Variants in FARP1 observed in about 807,000 individuals in gnomAD.
The protein encoded by FARP1 is FERM, ARHGEF and pleckstrin domain-containing protein 1.
Under a neutral mutation model 128.8 loss-of-function variants are expected in FARP1, and 52 were observed. That is an observed-to-expected ratio of 0.40 (90% CI 0.32 to 0.51). The LOEUF (loss-of-function observed/expected upper bound fraction) is 0.51, where lower values mean the gene tolerates loss of function less well. FARP1 is among the 20% of genes least tolerant of loss of function. The pLI is 0.45. For missense variants in FARP1, 1,333 were observed against 1,367.9 expected (o/e 0.97, Z 0.40); for synonymous variants, 580 against 551.8 (o/e 1.05, Z -0.72).
At chr13:98,430,791 A>G in intron 17 of FARP1, among the ~76,000 whole-genome samples, 1 of 152,200 alleles carries the variant, frequency 6.6e-6, no homozygotes, top group East Asian at 1.9e-4. Context: ...TGTTATATAC[A>G]TAGCTTATAT....
At chr13:98,239,254 C>T (rs149805261) in intron 2 of FARP1, among the ~76,000 whole-genome samples, 1 of 152,152 alleles carries the variant, frequency 6.6e-6, no homozygotes, top group African/African-American at 2.4e-5. Context: ...AGGTTCTCTA[C>T]CCTGGACCGA....
chr13:98,381,971 A>G (rs1889902595), intron 6 of FARP1, among the ~76,000 whole-genome samples: 4 of 152,072 alleles, frequency 2.6e-5, no homozygotes, highest in Admixed American at 2.6e-4. Context: ...TAGGCAACAT[A>G]GTGAGACCTC....
In FARP1 at chr13:98,374,055, T is replaced by A. The variant is rs671727; in HGVS notation, c.399-3766T>A. On this transcript the variant is annotated intron_variant, in intron 5 of 26. Coordinates refer to ENST00000319562, the MANE Select transcript of FARP1 (RefSeq NM_005766.4). ...TTTTCTATGCATACATATGTACTTT[T>A]CATCTCATCTAATACATTGGCCATA... is the stretch of plus-strand genomic sequence containing the variant. Among the ~76,000 whole-genome samples the A allele has an allele frequency of 5.9e-3, 896 of 152,328 alleles. 11 individuals carry two copies. Among genetic ancestry groups the A allele is most frequent in the African/African-American group, 0.021 (854 of 41,576 alleles).
intron 12 of FARP1, 136 bp downstream of exon 12, chr13:98,393,854 GC>G: frequency 1.4e-6 from 1 of 692,010 alleles, no homozygotes. Flanking sequence ...CTGATTATGG[GC>G]CTTGGCTTTG....
intron 2 of FARP1, among the ~76,000 whole-genome samples, chr13:98,300,027 A>G (rs1433452433): frequency 1.3e-5 from 2 of 152,184 alleles, no homozygotes; most frequent in Non-Finnish European, 2.9e-5. Flanking sequence ...AATAGTTTCT[A>G]ATGTTCCCCC....
intron 3 of FARP1, among the ~76,000 whole-genome samples, chr13:98,358,483 G>C (rs1296190691): frequency 6.6e-6 from 1 of 152,098 alleles, no homozygotes; most frequent in African/African-American, 2.4e-5. Flanking sequence ...TTGACCGGAA[G>C]TGAAAATCTC....
chr13:98,287,979 T>C (rs1885272802), intron 2 of FARP1, among the ~76,000 whole-genome samples: 1 of 151,980 alleles, frequency 6.6e-6, no homozygotes, highest in Non-Finnish European at 1.5e-5. Context: ...TTTTTGTAAT[T>C]TTAGTAGAGA....
chr13:98,257,023 G>A (rs1883652276), intron 2 of FARP1, among the ~76,000 whole-genome samples: 1 of 125,996 alleles, frequency 7.9e-6, no homozygotes, highest in East Asian at 2.4e-4. Context: ...GGAAAGTTTG[G>A]TTTTATTTAT....
intron 2 of FARP1, among the ~76,000 whole-genome samples, chr13:98,289,884 A>G (rs1171707741): frequency 6.6e-6 from 1 of 152,212 alleles, no homozygotes; most frequent in African/African-American, 2.4e-5. Context: ...AAAAGAGCAC[A>G]GGAACTGTCA....
At chr13:98,180,896 T>C (rs577349223) in intron 1 of FARP1, among the ~76,000 whole-genome samples, 1 of 152,346 alleles carries the variant, frequency 6.6e-6, no homozygotes, top group Non-Finnish European at 1.5e-5. Context: ...AATGCCTGCA[T>C]AATGATCAAT....
At chr13:98,305,323 A>G (rs1290467122) in intron 2 of FARP1, among the ~76,000 whole-genome samples, 4 of 134,078 alleles carry the variant, frequency 3.0e-5, no homozygotes, top group Non-Finnish European at 6.4e-5. Flanking sequence ...TATCTCTGAG[A>G]ATTTCTTTCT....
At chr13:98,308,007 C>CT (rs1210097511) in intron 2 of FARP1, among the ~76,000 whole-genome samples, 1 of 106,328 alleles carries the variant, frequency 9.4e-6, no homozygotes, top group Non-Finnish European at 2.1e-5. Context: ...ACTGCCTGCC[C>CT]CCCTCCGCCC....
intron 1 of FARP1, among the ~76,000 whole-genome samples, chr13:98,158,503 G>C (rs1876648011): frequency 6.6e-6 from 1 of 152,182 alleles, no homozygotes; most frequent in Non-Finnish European, 1.5e-5. Context: ...GAGTTTATTT[G>C]TAGTTCAGAA....
intron 2 of FARP1, chr13:98,233,694 G>A (rs1467391502): frequency 1.3e-5 from 2 of 152,344 alleles, no homozygotes; most frequent in Non-Finnish European, 1.5e-5. Flanking sequence ...TTCAGAAGGT[G>A]TGAGTTCCTA....
rs1340437273 is a variant in FARP1, at chr13:98,177,268, G to A, written c.-24+33776G>A. The A allele has an allele frequency of 2.3e-5, 34 of 1,506,798 alleles. 1 individual carries two copies. The highest frequency in any genetic ancestry group is 1.7e-4 in the South Asian group (13 of 76,762). 93.3% of individuals were successfully genotyped at this position (1,506,798 alleles called of 1,614,324 possible). On this transcript the variant is annotated intron_variant, in intron 1 of 26. Transcript: ENST00000319562. ...GTCTCAGGCTCCCAACGGCCGTGGCGTGCGTCACCCTTGCGTCGCCCTTGC... is the reference window on the plus strand; with the variant it reads ...GTCTCAGGCTCCCAACGGCCGTGGCATGCGTCACCCTTGCGTCGCCCTTGC...
At chr13:98,268,361 C>A (rs1170994955) in intron 2 of FARP1, among the ~76,000 whole-genome samples, 2 of 152,136 alleles carry the variant, frequency 1.3e-5, no homozygotes, top group Admixed American at 1.3e-4. Flanking sequence ...GAGGATTCAG[C>A]TGAAGATAAG....
chr13:98,237,051 T>C (rs1882464916), intron 2 of FARP1, among the ~76,000 whole-genome samples: 1 of 151,702 alleles, frequency 6.6e-6, no homozygotes, highest in African/African-American at 2.4e-5. Context: ...ATGTCTGTAA[T>C]CCCAGCATTT....
Position 98,440,004 on chromosome 13 carries a change from C to A in FARP1, c.2477C>A (p.Thr826Asn). The A allele has an allele frequency of 6.2e-7, 1 of 1,600,320 alleles. No homozygotes were observed. Among genetic ancestry groups the A allele is most frequent in the Non-Finnish European group, 8.5e-7 (1 of 1,170,418 alleles). ...GAGTGGGGGGTGCCCCACTGCCTGA[C>A]CCTCCGGGGCCAGCGGCAGTCCATC... is the stretch of plus-strand genomic sequence containing the variant. Reference protein sequence around the residue: ...EDEWGVPHCLTLRGQRQSIIV... With the variant: ...EDEWGVPHCLNLRGQRQSIIV... Residue 826 changes from threonine to asparagine, a missense_variant, in exon 22 of 27, where the codon ACC (threonine) becomes AAC (asparagine). By Grantham distance (65) the Thr-to-Asn change is moderately conservative. This residue lies in a region of FARP1 where 1,009 missense variants were observed against 969.8 expected (regional missense o/e 1.04). Transcript: ENST00000319562.
At chr13:98,428,016 G>A (rs1471278598) in intron 17 of FARP1, among the ~76,000 whole-genome samples, 4 of 152,210 alleles carry the variant, frequency 2.6e-5, no homozygotes, top group Middle Eastern at 3.4e-3. Context: ...TTGTCCAAAT[G>A]CTTAGAGTGT....
Sources: allele counts gnomAD v4.1 joint callset (sites outside exome capture counted in the v4.1 genomes callset), GRCh38; gene constraint gnomAD v4.1.1; regional missense constraint gnomAD v4.1.1; transcripts MANE v1.5; gene names NCBI Gene and HGNC (gene_info 2026-07-23, HGNC 2026-07-21).